The following IQSEC2 variants were observed in gnomAD, a reference collection of about 807,000 sequenced individuals.
IQSEC2 encodes IQ motif and Sec7 domain ArfGEF 2, also known as IQ motif and SEC7 domain-containing protein 2.
Under a neutral mutation model 74.6 loss-of-function variants are expected in IQSEC2, and 6 were observed. The observed-to-expected ratio is 0.08, with a 90% CI of 0.04 to 0.16. The LOEUF (loss-of-function observed/expected upper bound fraction) is 0.16, where lower values mean the gene tolerates loss of function less well. Ranked by LOEUF, IQSEC2 falls within the 10% of genes least tolerant of loss-of-function variation. IQSEC2 has a pLI of 1.00. For synonymous variants in IQSEC2, 494 were observed against 544.5 expected (o/e 0.91, Z 1.29); for missense variants, 734 against 1,306.2 (o/e 0.56, Z 6.75).
At chrX:53,319,533 T>C (rs1377696861) in intron 1 of IQSEC2, among the ~76,000 whole-genome samples, 3 of 111,483 alleles carry the variant, frequency 2.7e-5, no homozygotes, top group Non-Finnish European at 5.7e-5. Context: ...AGGGAGCCTT[T>C]AGGGCAGCCT....
chrX:53,279,635 G>T, intron 2 of IQSEC2: 1 of 1,189,575 alleles, frequency 8.4e-7, no homozygotes, highest in Non-Finnish European at 1.1e-6. Flanking sequence ...AGCAATACTG[G>T]TGTAGAGTAT....
downstream of IQSEC2, chrX:53,226,135 G>A (rs782181875): frequency 2.7e-5 from 3 of 112,854 alleles, no homozygotes; most frequent in East Asian, 8.3e-4. Context: ...TATAGCCCCT[G>A]TGCATTTGGT....
At chrX:53,296,477 T>G (rs1450476414) in intron 1 of IQSEC2, among the ~76,000 whole-genome samples, 1 of 111,844 alleles carries the variant, frequency 8.9e-6, no homozygotes, top group Non-Finnish European at 1.9e-5. Context: ...CGGCCCCGAA[T>G]CAGCCTTTCA....
At chrX:53,243,902 ATATGTGCAAGAGG>A (rs1194993929) in intron 8 of IQSEC2, among the ~76,000 whole-genome samples, 2 of 112,106 alleles carry the variant, frequency 1.8e-5, no homozygotes, top group Non-Finnish European at 3.8e-5. Context: ...CTACTCAGAA[ATATGTGCAAGAGG>A]TATGTGCAAG....
intron 2 of IQSEC2, among the ~76,000 whole-genome samples, chrX:53,262,150 T>C (rs1454277670): frequency 8.9e-6 from 1 of 111,907 alleles, no homozygotes; most frequent in African/African-American, 3.3e-5. Context: ...TGGAAGGAGT[T>C]GGTAGAGATG....
chrX:53,228,544 G>T (rs192434629), downstream of IQSEC2, among the ~76,000 whole-genome samples: 1 of 111,978 alleles, frequency 8.9e-6, no homozygotes, highest in Non-Finnish European at 1.9e-5. Context: ...TGACTGGAAG[G>T]CTCGTCTGGG....
Position 53,283,221 on chromosome X carries a change from AAAAG to A in IQSEC2, c.737+8670_737+8673del, listed in dbSNP as rs1408960323. Among the ~76,000 whole-genome samples the A allele has an allele frequency of 3.6e-5, 4 of 112,021 alleles. No homozygotes were observed. In the East Asian group the frequency reaches 8.4e-4, roughly 23 times the overall value. On this transcript the variant is annotated intron_variant, in intron 2 of 14. Transcript: ENST00000642864. Reference sequence around the variant, plus strand: ...ACAGAGCAAGACCCTGTACAAAAGAAAAAGAAAGAAAGAAAGTGTAGTGGTAGCT... The same window carrying A: ...ACAGAGCAAGACCCTGTACAAAAGAAAAAGAAAGAAAGTGTAGTGGTAGCT...
chrX:53,256,188 G>T, intron 2 of IQSEC2, 127 bp from the exon 3 acceptor site: 3 of 668,192 alleles, frequency 4.5e-6, no homozygotes, highest in Non-Finnish European at 6.6e-6. Flanking sequence ...CACAGATATA[G>T]GGACCCAACA....
intron 1 of IQSEC2, among the ~76,000 whole-genome samples, chrX:53,297,026 G>A (rs1454823251): frequency 2.1e-4 from 23 of 107,686 alleles, no homozygotes; most frequent in African/African-American, 7.8e-4. Flanking sequence ...TTTGAGATAA[G>A]GTCTCGCTCT....
intron 1 of IQSEC2, among the ~76,000 whole-genome samples, chrX:53,300,957 T>C (rs1301968064): frequency 2.7e-5 from 3 of 111,956 alleles, no homozygotes; most frequent in African/African-American, 9.7e-5. Context: ...TCATTTCAAC[T>C]ACATGAAAAA....
At chrX:53,305,737 A>G (rs1465757944) in intron 1 of IQSEC2, among the ~76,000 whole-genome samples, 1 of 111,629 alleles carries the variant, frequency 9.0e-6, no homozygotes, top group Non-Finnish European at 1.9e-5. Context: ...TAACTGCTAC[A>G]GCTGCTGCTT....
intron 3 of IQSEC2, 58 bp from the exon 4 acceptor site, chrX:53,254,989 T>C: frequency 9.0e-7 from 1 of 1,114,222 alleles, no homozygotes; most frequent in Non-Finnish European, 1.2e-6. Context: ...CTCATCTCCC[T>C]AGGCACTCAA....
intron 8 of IQSEC2, among the ~76,000 whole-genome samples, chrX:53,245,659 C>T (rs929705826): frequency 9.1e-6 from 1 of 109,602 alleles, no homozygotes; most frequent in Non-Finnish European, 1.9e-5. Flanking sequence ...TTCTTTTCTG[C>T]TTAAATAATC....
chrX:53,314,943 A>C (rs1363392570), intron 1 of IQSEC2, among the ~76,000 whole-genome samples: 2 of 111,685 alleles, frequency 1.8e-5, no homozygotes, highest in African/African-American at 6.5e-5. Context: ...CTAGAGCCAC[A>C]TACCTGGAGT....
chrX:53,289,680 T>C (rs1556872623), intron 2 of IQSEC2, among the ~76,000 whole-genome samples: 1 of 111,277 alleles, frequency 9.0e-6, no homozygotes, highest in African/African-American at 3.3e-5. Flanking sequence ...TGTCAAGATA[T>C]TGCCCCATAC....
chrX:53,272,841 G>A (rs1220783232), intron 2 of IQSEC2, among the ~76,000 whole-genome samples: 4 of 111,653 alleles, frequency 3.6e-5, no homozygotes, highest in Non-Finnish European at 7.5e-5. Context: ...CTCCAGAACC[G>A]TCTAATACAC....
At chrX:53,317,720 A>G (rs143206422) in intron 1 of IQSEC2, among the ~76,000 whole-genome samples, 1,216 of 112,350 alleles carry the variant, frequency 0.011, 22 homozygotes, top group African/African-American at 0.038. Context: ...GCCTCCCCCA[A>G]TGCTGCAGCC....
intron 1 of IQSEC2, among the ~76,000 whole-genome samples, chrX:53,314,301 C>G (rs144348114): frequency 1.8e-5 from 2 of 112,374 alleles, no homozygotes; most frequent in Middle Eastern, 4.6e-3. Context: ...CTATGTGTTT[C>G]CAAGCTTTTA....
intron 8 of IQSEC2, among the ~76,000 whole-genome samples, chrX:53,244,028 G>C (rs1556861531): frequency 9.1e-6 from 1 of 109,302 alleles, no homozygotes; most frequent in East Asian, 2.9e-4. Flanking sequence ...GACCATCCTG[G>C]CCAACATGGT....
Sources: gnomAD v4.1 joint callset for allele counts (sites outside exome capture counted in the v4.1 genomes callset) on GRCh38, gnomAD v4.1.1 for gene constraint, MANE v1.5 for transcripts, NCBI Gene and HGNC (gene_info 2026-07-23, HGNC 2026-07-21) for gene names.